BMPER: variants seen among roughly 807,000 people sequenced by gnomAD.
The protein encoded by BMPER is BMP-binding endothelial regulator protein.
Under a neutral mutation model 87.3 loss-of-function variants are expected in BMPER, and 45 were observed. The observed-to-expected ratio is 0.52, with a 90% CI of 0.41 to 0.66. The LOEUF (loss-of-function observed/expected upper bound fraction) is 0.66. BMPER is among the 30% of genes least tolerant of loss of function. BMPER has a pLI of 0.00. For synonymous variants in BMPER, 326 were observed against 316.2 expected (o/e 1.03, Z -0.33); for missense variants, 784 against 867.5 (o/e 0.90, Z 1.21).
chr7:34,039,423 T>G (rs1787772249), intron 6 of BMPER, among the ~76,000 whole-genome samples: 1 of 152,124 alleles, frequency 6.6e-6, no homozygotes, highest in African/African-American at 2.4e-5. Context: ...TCTGGAGACA[T>G]GCTTCATTGT....
intron 6 of BMPER, among the ~76,000 whole-genome samples, chr7:34,004,374 T>G: frequency 6.6e-6 from 1 of 152,128 alleles, no homozygotes; most frequent in Non-Finnish European, 1.5e-5. Flanking sequence ...CTGTAATAAG[T>G]CCAACCTCAG....
At chr7:34,141,820 G>T (rs1157190908) in intron 13 of BMPER, among the ~76,000 whole-genome samples, 1 of 152,010 alleles carries the variant, frequency 6.6e-6, no homozygotes. Context: ...TGAGTGTTGG[G>T]CTGCAATAAC....
At chr7:33,934,906 A>G (rs1008495802) in intron 2 of BMPER, among the ~76,000 whole-genome samples, 5 of 152,180 alleles carry the variant, frequency 3.3e-5, no homozygotes, top group African/African-American at 9.6e-5. Flanking sequence ...TTCTTTCACA[A>G]TTCTCTTGGG....
chr7:34,043,223 A>G (rs1258748894), intron 6 of BMPER, among the ~76,000 whole-genome samples: 1 of 152,214 alleles, frequency 6.6e-6, no homozygotes, highest in African/African-American at 2.4e-5. Flanking sequence ...TAATGTAACA[A>G]AATGTATTTC....
At chr7:34,089,714 C>T (rs1388909327) in intron 13 of BMPER, among the ~76,000 whole-genome samples, 7 of 152,078 alleles carry the variant, frequency 4.6e-5, no homozygotes, top group Non-Finnish European at 1.5e-5. Context: ...GAATTCCTGA[C>T]CTCAGGTGAT....
At chr7:34,052,347 G>C (rs1788167799) in intron 8 of BMPER, among the ~76,000 whole-genome samples, 1 of 152,206 alleles carries the variant, frequency 6.6e-6, no homozygotes, top group Admixed American at 6.5e-5. Flanking sequence ...GAAGAGAAAG[G>C]CATGGATTTA....
At chr7:34,014,475 T>A (rs1585738029) in intron 6 of BMPER, among the ~76,000 whole-genome samples, 1 of 151,926 alleles carries the variant, frequency 6.6e-6, no homozygotes, top group Non-Finnish European at 1.5e-5. Context: ...GTGTCCCATT[T>A]CAATGGCCTT....
chr7:33,991,983 AGTTT>A (rs1376741216), intron 6 of BMPER, among the ~76,000 whole-genome samples: 1 of 145,756 alleles, frequency 6.9e-6, no homozygotes, highest in African/African-American at 2.5e-5. Flanking sequence ...TCTGAGAGAT[AGTTT>A]GTTATAATTT....
At chr7:34,058,913 CA>C (rs1356414169) in intron 10 of BMPER, among the ~76,000 whole-genome samples, 1 of 151,924 alleles carries the variant, frequency 6.6e-6, no homozygotes, top group Non-Finnish European at 1.5e-5. Context: ...TAATTTTATT[CA>C]CATCTGTTAT....
intron 12 of BMPER, 105 bp downstream of exon 12, chr7:34,079,291 C>CACAAAAA: frequency 6.9e-7 from 1 of 1,457,072 alleles, no homozygotes; most frequent in Admixed American, 1.9e-5. Flanking sequence ...CTCCTCCGAG[C>CACAAAAA]AAAAACCCAA....
At chr7:34,004,031 T>C (rs937309694) in intron 6 of BMPER, among the ~76,000 whole-genome samples, 27 of 152,116 alleles carry the variant, frequency 1.8e-4, no homozygotes, top group Non-Finnish European at 8.8e-5. Context: ...CTATAATCTT[T>C]GGCATGTTAG....
chr7:34,104,464 A>G (rs1789767216), intron 13 of BMPER, among the ~76,000 whole-genome samples: 1 of 152,198 alleles, frequency 6.6e-6, no homozygotes, highest in African/African-American at 2.4e-5. Flanking sequence ...CTGCATAACA[A>G]TGATTGCAGG....
Position 34,154,709 on chromosome 7 carries a change from C to T in BMPER, c.*1436C>T, listed in dbSNP as rs1198255737. The T allele has an allele frequency of 6.6e-6, 1 of 151,372 alleles. No individual in the cohort carries two copies. The highest frequency in any genetic ancestry group is 1.5e-5 in the Non-Finnish European group (1 of 67,902). The allele number at this position is 151,372 out of a possible 1,614,324, so 9.4% of individuals were successfully genotyped here. A position where few individuals can be genotyped will look rare whatever the true frequency, so the allele number is the denominator to read the frequency against. On this transcript the variant is annotated 3_prime_UTR_variant, in exon 15 of 15. Transcript: ENST00000649409. ...GTCAAAGACATTTATGTTTCTTTTACATTCATGACAGCTAAAGTATTAACT... is the reference window on the plus strand; with the variant it reads ...GTCAAAGACATTTATGTTTCTTTTATATTCATGACAGCTAAAGTATTAACT...
intron 6 of BMPER, among the ~76,000 whole-genome samples, chr7:33,989,897 C>G (rs952094439): frequency 3.3e-5 from 5 of 152,118 alleles, no homozygotes; most frequent in Admixed American, 6.5e-5. Context: ...GCTTGTTTTT[C>G]TCAGGTTTGT....
At chr7:33,905,825 GGGATGGGAGGGT>G in intron 1 of BMPER, 79 bp downstream of exon 1, 2 of 1,292,984 alleles carry the variant, frequency 1.5e-6, no homozygotes, top group African/African-American at 1.5e-5. Context: ...GCTTGCCCCG[GGGATGGGAGGGT>G]GGGGAGCGCG....
At chr7:34,004,419 A>T (rs1333766100) in intron 6 of BMPER, among the ~76,000 whole-genome samples, 3 of 152,060 alleles carry the variant, frequency 2.0e-5, no homozygotes, top group Non-Finnish European at 4.4e-5. Context: ...TGCTTACTTT[A>T]TGTGTCGTCA....
At chr7:34,113,012 A>G (rs2160309) in intron 13 of BMPER, among the ~76,000 whole-genome samples, 113,509 of 150,774 alleles carry the variant, frequency 0.75, 43,495 homozygotes, top group East Asian at 0.95. Flanking sequence ...ACATTTTAAG[A>G]GACTATATAT....
At chr7:34,024,399 A>C (rs1787298830) in intron 6 of BMPER, among the ~76,000 whole-genome samples, 3 of 24,820 alleles carry the variant, frequency 1.2e-4, no homozygotes, top group African/African-American at 2.1e-4. Context: ...ATATATATAT[A>C]TATATATATA....
At chr7:34,032,347 T>C (rs986996919) in intron 6 of BMPER, among the ~76,000 whole-genome samples, 1 of 152,102 alleles carries the variant, frequency 6.6e-6, no homozygotes, top group Non-Finnish European at 1.5e-5. Flanking sequence ...TCTTCTCGTG[T>C]CATCAGGAAG....
Sources: allele counts gnomAD v4.1 joint callset (sites outside exome capture counted in the v4.1 genomes callset), GRCh38; gene constraint gnomAD v4.1.1; transcripts MANE v1.5; gene names NCBI Gene and HGNC (gene_info 2026-07-23, HGNC 2026-07-21).